CPE: variants seen among roughly 807,000 people sequenced by gnomAD.
CPE encodes carboxypeptidase E.
A neutral mutation model predicts 53.5 loss-of-function variants in CPE; 17 were observed. That is an observed-to-expected ratio of 0.32 (90% CI 0.22 to 0.48). The LOEUF (loss-of-function observed/expected upper bound fraction) is 0.48. Among genes scored for constraint, CPE ranks in the 20% least tolerant of loss-of-function variants. CPE has a pLI of 0.99. For missense variants in CPE, 524 were observed against 614.7 expected (o/e 0.85, Z 1.56); for synonymous variants, 226 against 228.8 (o/e 0.99, Z 0.11).
At chr4:165,466,036 T>C (rs1242482063) in intron 2 of CPE, among the ~76,000 whole-genome samples, 1 of 152,200 alleles carries the variant, frequency 6.6e-6, no homozygotes, top group Non-Finnish European at 1.5e-5. Context: ...TTATGACAAG[T>C]ACAGTGATGC....
At position 165,379,363 on chromosome 4, in the gene CPE, G is replaced by C. The variant is rs1730464266; in HGVS notation, c.142G>C (p.Gly48Arg). ...RRRRRLQQED[G>R]ISFEYHRYPE... ...GCGCCGGCGGCTGCAGCAAGAGGACGGCATCTCCTTCGAGTACCACCGCTA... is the reference window on the plus strand; with the variant it reads ...GCGCCGGCGGCTGCAGCAAGAGGACCGCATCTCCTTCGAGTACCACCGCTA... Residue 48 changes from glycine to arginine, a missense_variant, in exon 1 of 9, where the codon GGC becomes CGC. Transcript: ENST00000402744. The surrounding 1 kb of genome is among the most constrained non-coding windows in gnomAD (Gnocchi z 6.0). 2 of 1,600,794 alleles carry C rather than the reference G, an allele frequency of 1.2e-6. No homozygotes were observed. The highest frequency in any genetic ancestry group is 1.3e-5 in the African/African-American group (1 of 74,754).
At position 165,391,611 on chromosome 4, in the gene CPE, T is replaced by G. The variant is rs181121540; in HGVS notation, c.307+12083T>G. ...TTTCAAACCAGGCCACATTTGGAAA[T>G]CAAACTCTGAGTAGTAGAGGGCTGT... On this transcript the variant is annotated intron_variant, in intron 1 of 8. Transcript: ENST00000402744. Among the ~76,000 whole-genome samples, 94 of 152,240 alleles carry G rather than the reference T, an allele frequency of 6.2e-4. 1 individual carries two copies. Among genetic ancestry groups the G allele is most frequent in the African/African-American group, 2.2e-3 (92 of 41,558 alleles).
chr4:165,404,137 A>C, intron 1 of CPE: 1 of 781,068 alleles, frequency 1.3e-6, no homozygotes, highest in Non-Finnish European at 2.3e-6. Flanking sequence ...ACTCTTTTCC[A>C]TAGGCAGCCT....
chr4:165,494,417 G>C (rs892633918), intron 7 of CPE, among the ~76,000 whole-genome samples: 1 of 152,206 alleles, frequency 6.6e-6, no homozygotes, highest in Non-Finnish European at 1.5e-5. Context: ...GTGATAATAA[G>C]AAGGAACCAG....
chr4:165,400,562 G>A (rs1011316792), intron 1 of CPE, among the ~76,000 whole-genome samples: 1 of 151,942 alleles, frequency 6.6e-6, no homozygotes, highest in African/African-American at 2.4e-5. Context: ...GTTGGAAGTC[G>A]CTGGGGACAT....
intron 3 of CPE, among the ~76,000 whole-genome samples, chr4:165,473,846 G>T (rs1732249492): frequency 6.6e-6 from 1 of 152,246 alleles, no homozygotes; most frequent in African/African-American, 2.4e-5. Flanking sequence ...TACTCCTCCA[G>T]GAGTTTCTCT....
chr4:165,462,290 C>A (rs1046573254), intron 1 of CPE, among the ~76,000 whole-genome samples: 6 of 152,040 alleles, frequency 3.9e-5, no homozygotes, highest in Non-Finnish European at 8.8e-5. Flanking sequence ...CATCTGGGGG[C>A]AAGTGTGGCT....
At chr4:165,435,332 G>A (rs145046852) in intron 1 of CPE, among the ~76,000 whole-genome samples, 2 of 151,896 alleles carry the variant, frequency 1.3e-5, no homozygotes, top group African/African-American at 4.8e-5. Context: ...AAATGCTAAT[G>A]CCTTTCAGGC....
At chr4:165,410,151 A>G (rs1731014008) in intron 1 of CPE, among the ~76,000 whole-genome samples, 1 of 151,242 alleles carries the variant, frequency 6.6e-6, no homozygotes, top group Non-Finnish European at 1.5e-5. Flanking sequence ...TGGGAGGCTG[A>G]GGCAGGAGAA....
chr4:165,451,770 G>A (rs922559392), intron 1 of CPE, among the ~76,000 whole-genome samples: 3 of 150,398 alleles, frequency 2.0e-5, no homozygotes, highest in East Asian at 3.9e-4. Context: ...GATTACAGTC[G>A]TGAGCCACTG....
Position 165,472,009 on chromosome 4 carries a change from T to A in CPE, c.672+4154T>A, listed in dbSNP as rs575745892. 1.4e-4 allele frequency among the ~76,000 whole-genome samples: 21 copies of A among 152,304 alleles called. No individual in the cohort carries two copies. The South Asian group carries it at 4.1e-3, about 30-fold the overall frequency. On this transcript the variant is annotated intron_variant, in intron 3 of 8. Transcript: ENST00000402744. ...AAATAGTTTCCAAATTCTGGAGAAATCAGGTAGAGAGAAATATGCTCCAAA... is the reference window on the plus strand; with the variant it reads ...AAATAGTTTCCAAATTCTGGAGAAAACAGGTAGAGAGAAATATGCTCCAAA...
intron 1 of CPE, among the ~76,000 whole-genome samples, chr4:165,429,515 C>A (rs1731374332): frequency 6.6e-6 from 1 of 151,948 alleles, no homozygotes; most frequent in South Asian, 2.1e-4. Flanking sequence ...CCAGCCTGGG[C>A]AACATGGTGA....
intron 1 of CPE, among the ~76,000 whole-genome samples, chr4:165,445,373 C>G (rs567708207): frequency 2.7e-5 from 4 of 150,920 alleles, no homozygotes; most frequent in Admixed American, 6.6e-5. Context: ...TCCTTCATAC[C>G]GCATATTTAA....
At chr4:165,490,001 C>G (rs906910020) in intron 6 of CPE, among the ~76,000 whole-genome samples, 1 of 152,106 alleles carries the variant, frequency 6.6e-6, no homozygotes, top group South Asian at 2.1e-4. Context: ...ATAGAACACT[C>G]CAGTTTAGGA....
At chr4:165,401,123 C>T (rs1290864143) in intron 1 of CPE, among the ~76,000 whole-genome samples, 1 of 152,060 alleles carries the variant, frequency 6.6e-6, no homozygotes, top group Non-Finnish European at 1.5e-5. Flanking sequence ...TTGATTTGTA[C>T]TGGATAACTC....
At chr4:165,419,024 C>T (rs1489933431) in intron 1 of CPE, among the ~76,000 whole-genome samples, 1 of 152,094 alleles carries the variant, frequency 6.6e-6, no homozygotes, top group African/African-American at 2.4e-5. Flanking sequence ...TAATTCAGTA[C>T]TACTTACTCC....
At chr4:165,433,389 C>G (rs959871050) in intron 1 of CPE, among the ~76,000 whole-genome samples, 1 of 152,086 alleles carries the variant, frequency 6.6e-6, no homozygotes, top group African/African-American at 2.4e-5. Flanking sequence ...AGCCTGGTCT[C>G]TCGGAGCTCA....
intron 1 of CPE, among the ~76,000 whole-genome samples, chr4:165,392,895 TA>T (rs1456489179): frequency 2.0e-5 from 3 of 148,814 alleles, no homozygotes; most frequent in Non-Finnish European, 4.5e-5. Flanking sequence ...AATATATATA[TA>T]AATCAAACAT....
intron 1 of CPE, among the ~76,000 whole-genome samples, chr4:165,413,335 G>C (rs1731070118): frequency 6.6e-6 from 1 of 152,186 alleles, no homozygotes; most frequent in South Asian, 2.1e-4. Flanking sequence ...TTGGGGGATA[G>C]AGAACGGGAA....
Sources: allele counts gnomAD v4.1 joint callset (sites outside exome capture counted in the v4.1 genomes callset), GRCh38; gene constraint gnomAD v4.1.1; non-coding constraint Gnocchi (gnomAD v3.1); transcripts MANE v1.5; gene names NCBI Gene and HGNC (gene_info 2026-07-23, HGNC 2026-07-21).